CUX1: variants seen among roughly 807,000 people sequenced by gnomAD.
CUX1 encodes the protein cut like homeobox 1.
In CUX1, 31 loss-of-function variants were observed where a neutral mutation model predicts 158.8. The ratio of observed to expected loss-of-function variants is 0.20; its 90% CI spans 0.15 to 0.26. The LOEUF (loss-of-function observed/expected upper bound fraction) is 0.26, where lower values mean the gene tolerates loss of function less well. Among genes scored for constraint, CUX1 ranks in the 10% least tolerant of loss-of-function variants. The probability of loss-of-function intolerance (pLI) is 1.00; values close to 1 mark genes in which losing one functional copy is unlikely to be tolerated. For missense variants in CUX1, 1,589 were observed against 2,014.6 expected (o/e 0.79, Z 4.04); for synonymous variants, 879 against 862.1 (o/e 1.02, Z -0.34).
At chr7:101,879,911 C>T (rs1799543438) in intron 1 of CUX1, among the ~76,000 whole-genome samples, 1 of 152,208 alleles carries the variant, frequency 6.6e-6, no homozygotes, top group Non-Finnish European at 1.5e-5. Context: ...ACCCTTCTAC[C>T]ACCTCCTGAC....
In CUX1 at chr7:102,182,640, C is replaced by A. The variant is rs148729754; in HGVS notation, c.1017+3983C>A. Among the ~76,000 whole-genome samples the A allele has an allele frequency of 8.5e-5, 13 of 152,322 alleles. No homozygotes were observed. In the East Asian group the frequency reaches 2.5e-3, roughly 29 times the overall value. On this transcript the variant is annotated intron_variant, in intron 11 of 23. Transcript: ENST00000292535. ...AGATGTTTCCTCCTGCCTAATCTGA[C>A]AAGTGCTTAAGCATAGTGCCACTTG...
chr7:101,980,049 C>T (rs551630339), intron 2 of CUX1, among the ~76,000 whole-genome samples: 3 of 152,226 alleles, frequency 2.0e-5, no homozygotes, highest in South Asian at 4.1e-4. Flanking sequence ...GTGCGGAGAG[C>T]GGGGCCCTAC....
chr7:102,086,073 A>G lies in CUX1; in HGVS notation c.269-11291A>G, dbSNP rs1278545694. Among the ~76,000 whole-genome samples the G allele has an allele frequency of 2.0e-5, 3 of 152,186 alleles. No individual in the cohort carries two copies. In the East Asian group the frequency reaches 5.8e-4, roughly 29 times the overall value. On this transcript the variant is annotated intron_variant, in intron 4 of 23. Coordinates refer to ENST00000292535, the MANE Select transcript of CUX1 (RefSeq NM_181552.4). Reference sequence around the variant, plus strand: ...GGCATAATATTGTACATAATATTTTATTAACTTTTAAATATCTGTAGGATG... The same window carrying G: ...GGCATAATATTGTACATAATATTTTGTTAACTTTTAAATATCTGTAGGATG...
At chr7:102,109,493 A>G (rs190164650) in intron 6 of CUX1, among the ~76,000 whole-genome samples, 26 of 152,324 alleles carry the variant, frequency 1.7e-4, no homozygotes, top group Admixed American at 1.5e-3. Flanking sequence ...CTATCAAAAC[A>G]AGAAAAGTGG....
intron 2 of CUX1, among the ~76,000 whole-genome samples, chr7:102,018,755 C>T (rs928919759): frequency 6.6e-6 from 1 of 152,092 alleles, no homozygotes; most frequent in Admixed American, 6.6e-5. Context: ...TGCGTGCGTG[C>T]GCTGTATCTC....
intron 6 of CUX1, among the ~76,000 whole-genome samples, chr7:102,105,730 C>T (rs1357960719): frequency 2.0e-5 from 3 of 151,954 alleles, no homozygotes; most frequent in Non-Finnish European, 4.4e-5. Context: ...CCAGGCTGGT[C>T]TTGAACTCCT....
chr7:102,162,662 A>G (rs145077159), intron 9 of CUX1, among the ~76,000 whole-genome samples: 1,793 of 152,190 alleles, frequency 0.012, 24 homozygotes, highest in African/African-American at 0.041. Context: ...TTACAGGCAC[A>G]TGCCACCACA....
chr7:101,839,592 T>G (rs1795003085), intron 1 of CUX1, among the ~76,000 whole-genome samples: 1 of 152,238 alleles, frequency 6.6e-6, no homozygotes. Context: ...GAAGTCGATC[T>G]TTGCGATAAG....
intron 8 of CUX1, among the ~76,000 whole-genome samples, chr7:102,132,745 C>A (rs546311870): frequency 7.1e-6 from 1 of 141,476 alleles, no homozygotes; most frequent in Non-Finnish European, 1.5e-5. Context: ...AATCTCTGCT[C>A]ACTGCAACCT....
At chr7:102,173,800 C>T (rs956617791) in intron 10 of CUX1, among the ~76,000 whole-genome samples, 22 of 152,098 alleles carry the variant, frequency 1.4e-4, no homozygotes, top group African/African-American at 5.3e-4. Context: ...GGTTAAGTGC[C>T]GTGTTTACAT....
At chr7:101,913,986 C>T (rs764621913) in intron 1 of CUX1, among the ~76,000 whole-genome samples, 49 of 152,018 alleles carry the variant, frequency 3.2e-4, no homozygotes, top group Non-Finnish European at 5.3e-4. Flanking sequence ...TTTGAAGAGC[C>T]TTCTGCTTCG....
At position 101,846,001 on chromosome 7, in the gene CUX1, C is replaced by G. The variant is rs979926497; in HGVS notation, c.30+28332C>G. ...CCAGCCTGGGTGACAAAGGGAGACT[C>G]CATCTAAAAAAAAAAAAGAAAAAAT... On this transcript the variant is annotated intron_variant, in intron 1 of 23. Transcript: ENST00000292535. 4.4e-4 allele frequency among the ~76,000 whole-genome samples: 67 copies of G among 151,174 alleles called. 1 individual carries two copies. Among genetic ancestry groups the G allele is most frequent in the African/African-American group, 1.6e-3 (67 of 41,036 alleles).
Position 102,189,399 on chromosome 7 carries a change from A to ATTT in CUX1, c.1018-414_1018-413insTTT, listed in dbSNP as rs1554516291. 9.0e-3 allele frequency among the ~76,000 whole-genome samples: 751 copies of ATTT among 83,546 alleles called. 4 individuals carry two copies. Among genetic ancestry groups the ATTT allele is most frequent in the Middle Eastern group, 0.022 (3 of 138 alleles). The allele number at this position is 83,546 out of a possible 152,430, so 54.8% of individuals were successfully genotyped here. On this transcript the variant is annotated intron_variant, in intron 11 of 23. Coordinates refer to ENST00000292535, the MANE Select transcript of CUX1 (RefSeq NM_181552.4). ...ATGCTTTTTTTTTTTTTTTTTTAAAAAAAAAAGAGGTAGGGTCTCCACTCC... is the reference window on the plus strand; with the variant it reads ...ATGCTTTTTTTTTTTTTTTTTTAAAATTTAAAAAAGAGGTAGGGTCTCCACTCC...
chr7:102,192,659 G>T (rs1794402506), intron 12 of CUX1, among the ~76,000 whole-genome samples: 1 of 152,090 alleles, frequency 6.6e-6, no homozygotes, highest in Non-Finnish European at 1.5e-5. Flanking sequence ...AATTATCCAG[G>T]TGTGGTGGCT....
chr7:101,827,294 T>TC lies in CUX1; in HGVS notation c.30+9625_30+9626insC, dbSNP rs71106567. Reference sequence around the variant, plus strand: ...TCTTCTCTTCTCTTCTCTTCTCTTCTTTTCTTTTCTTTTCCTTTCCCTTCC... The same window carrying TC: ...TCTTCTCTTCTCTTCTCTTCTCTTCTCTTTCTTTTCTTTTCCTTTCCCTTCC... On this transcript the variant is annotated intron_variant, in intron 1 of 23. Transcript: ENST00000292535. Among the ~76,000 whole-genome samples, 1,143 of 150,154 alleles carry TC rather than the reference T, an allele frequency of 7.6e-3. 15 individuals are homozygous for TC. Among genetic ancestry groups the TC allele is most frequent in the Admixed American group, 0.027 (396 of 14,846 alleles).
intron 5 of CUX1, among the ~76,000 whole-genome samples, chr7:102,099,503 C>T (rs1373812310): frequency 6.7e-6 from 1 of 148,480 alleles, no homozygotes; most frequent in Non-Finnish European, 1.5e-5. Flanking sequence ...CTTCATTGTC[C>T]TCTGGTATCT....
Position 102,004,902 on chromosome 7 carries a change from T to C in CUX1, c.142-23196T>C, listed in dbSNP as rs150691224. Among the ~76,000 whole-genome samples the C allele has an allele frequency of 1.7e-3, 256 of 152,324 alleles. 1 individual carries two copies. The highest frequency in any genetic ancestry group is 5.9e-3 in the African/African-American group (244 of 41,566). Reference sequence around the variant, plus strand: ...CGGAGAAAGAGGCAAAATCAGGATATCATGTAGGCACTTATATAACCACTT... The same window carrying C: ...CGGAGAAAGAGGCAAAATCAGGATACCATGTAGGCACTTATATAACCACTT... On this transcript the variant is annotated intron_variant, in intron 2 of 23. Transcript: ENST00000292535.
At chr7:102,027,214 A>G (rs1174986366) in intron 2 of CUX1, among the ~76,000 whole-genome samples, 2 of 152,062 alleles carry the variant, frequency 1.3e-5, no homozygotes, top group African/African-American at 4.8e-5. Context: ...GCAAAAACCC[A>G]TCTCTACTAC....
At chr7:101,943,333 C>T (rs1181606512) in intron 2 of CUX1, among the ~76,000 whole-genome samples, 1 of 151,876 alleles carries the variant, frequency 6.6e-6, no homozygotes, top group African/African-American at 2.4e-5. Context: ...TCTTGAACTC[C>T]TGAGCTCAAG....
Sources: gnomAD v4.1 joint callset for allele counts (sites outside exome capture counted in the v4.1 genomes callset) on GRCh38, gnomAD v4.1.1 for gene constraint, MANE v1.5 for transcripts, NCBI Gene and HGNC (gene_info 2026-07-23, HGNC 2026-07-21) for gene names.